Variants in DLGAP4 observed in about 807,000 individuals in gnomAD.
DLGAP4 encodes disks large-associated protein 4.
DLGAP4 carries 18 observed loss-of-function variants against 86.9 expected under a neutral mutation model. The observed-to-expected ratio is 0.21, with a 90% CI of 0.14 to 0.31. The LOEUF is 0.31. DLGAP4 is among the 10% of genes least tolerant of loss of function. The pLI, the probability that DLGAP4 is intolerant of heterozygous loss-of-function variation, is 1.00. For synonymous variants in DLGAP4, 548 were observed against 574.3 expected (o/e 0.95, Z 0.65); for missense variants, 1,085 against 1,362.6 (o/e 0.80, Z 3.21).
intron 1 of DLGAP4, among the ~76,000 whole-genome samples, chr20:36,330,276 C>A (rs1280316586): frequency 2.4e-4 from 37 of 152,046 alleles, no homozygotes; most frequent in Admixed American, 2.4e-3. Context: ...GAGGTTCTGA[C>A]CATATTGGTG....
intron 6 of DLGAP4, among the ~76,000 whole-genome samples, chr20:36,446,360 T>C (rs939037106): frequency 2.0e-5 from 3 of 152,166 alleles, no homozygotes; most frequent in African/African-American, 7.2e-5. Flanking sequence ...GGACAGACAT[T>C]GCTAATTGAT....
Position 36,403,213 on chromosome 20 carries a change from A to G in DLGAP4, c.-72-28433A>G, listed in dbSNP as rs144580526. On this transcript the variant is annotated intron_variant, in intron 2 of 12. Transcript: ENST00000339266. ...CAAGTCAAGGTGCTGGCATCTGGCG[A>G]GGGCCTTCTTGCTATGTCATAACAT... 7.2e-5 allele frequency among the ~76,000 whole-genome samples: 11 copies of G among 152,306 alleles called. No individual in the cohort carries two copies. The East Asian group carries it at 1.5e-3, about 21-fold the overall frequency.
chr20:36,464,008 C>T (rs1435173230), intron 7 of DLGAP4, among the ~76,000 whole-genome samples: 2 of 152,226 alleles, frequency 1.3e-5, no homozygotes, highest in Non-Finnish European at 2.9e-5. Flanking sequence ...CTGTTATCAC[C>T]TGCCCCTGGT....
At chr20:36,433,338 C>G (rs2033179068) in intron 3 of DLGAP4, among the ~76,000 whole-genome samples, 1 of 152,220 alleles carries the variant, frequency 6.6e-6, no homozygotes, top group Admixed American at 6.5e-5. Flanking sequence ...CCTAACCCAG[C>G]TTGGGGGAAT....
intron 7 of DLGAP4, 116 bp downstream of exon 7, chr20:36,447,053 A>G (rs1462026009): frequency 1.2e-5 from 18 of 1,457,224 alleles, no homozygotes; most frequent in African/African-American, 1.1e-4. Flanking sequence ...GCTGGCCCGC[A>G]CCAGGGGGAT....
chr20:36,375,134 G>C (rs2031101680), intron 2 of DLGAP4, among the ~76,000 whole-genome samples: 1 of 152,200 alleles, frequency 6.6e-6, no homozygotes, highest in South Asian at 2.1e-4. Flanking sequence ...GTTGGAGGCA[G>C]GGCTGGGACA....
chr20:36,428,786 C>T (rs1008196777), intron 2 of DLGAP4, among the ~76,000 whole-genome samples: 1 of 152,254 alleles, frequency 6.6e-6, no homozygotes, highest in South Asian at 2.1e-4. Context: ...GAGTCTAAAA[C>T]GGATTGCAGA....
intron 5 of DLGAP4, 54 bp from the exon 6 acceptor site, chr20:36,442,673 C>A (rs2033481427): frequency 1.9e-6 from 3 of 1,599,648 alleles, no homozygotes; most frequent in African/African-American, 2.7e-5. Context: ...CTGAATCCCC[C>A]ACCCCAGCCC....
rs759570502 is a variant in DLGAP4 at position 36,527,010 on chromosome 20, G to A, written c.2958G>A (p.Pro986=). The A allele has an allele frequency of 5.0e-6, 8 of 1,607,022 alleles. No homozygotes were observed. Among genetic ancestry groups the A allele is most frequent in the Admixed American group, 3.4e-5 (2 of 58,404 alleles). The change falls in exon 13 of 13, where the codon CCG becomes CCA. Residue 986 remains proline (P), a synonymous_variant. Transcript: ENST00000339266. ...ESADSIEIYV[P]EAQTRL The stretch of plus-strand genomic sequence containing the variant: ...CAGACAGCATCGAGATTTATGTCCC[G>A]GAGGCCCAGACCAGGCTCTGAGACC...
intron 2 of DLGAP4, among the ~76,000 whole-genome samples, chr20:36,381,142 C>G (rs2031377447): frequency 6.6e-6 from 1 of 152,218 alleles, no homozygotes; most frequent in Non-Finnish European, 1.5e-5. Flanking sequence ...TGCCTTTATT[C>G]TACTACTCTA....
At chr20:36,434,334 A>G (rs1283031568) in intron 3 of DLGAP4, among the ~76,000 whole-genome samples, 2 of 152,108 alleles carry the variant, frequency 1.3e-5, no homozygotes, top group African/African-American at 2.4e-5. Flanking sequence ...CAGTGAGACT[A>G]TTTTCTTTTT....
At chr20:36,481,057 A>T (rs1171930161) in intron 7 of DLGAP4, among the ~76,000 whole-genome samples, 1 of 152,204 alleles carries the variant, frequency 6.6e-6, no homozygotes, top group Admixed American at 6.5e-5. Context: ...GTGTGGTATC[A>T]CGTCCAGAAC....
intron 7 of DLGAP4, among the ~76,000 whole-genome samples, chr20:36,486,774 C>T (rs762491414): frequency 9.2e-5 from 14 of 152,074 alleles, no homozygotes; most frequent in Non-Finnish European, 1.6e-4. Context: ...CCACACCCGG[C>T]CAATTTTTTG....
At chr20:36,330,146 T>C (rs2065252939) in intron 1 of DLGAP4, among the ~76,000 whole-genome samples, 1 of 152,196 alleles carries the variant, frequency 6.6e-6, no homozygotes, top group Admixed American at 6.5e-5. Flanking sequence ...AGTGAACATA[T>C]ATTGCTTTTG....
chr20:36,457,224 CTT>C (rs112924134), intron 7 of DLGAP4, among the ~76,000 whole-genome samples: 3 of 144,202 alleles, frequency 2.1e-5, no homozygotes, highest in African/African-American at 2.5e-5. Context: ...TGAGTGAAGA[CTT>C]TTTTTTTTTT....
In DLGAP4 at chr20:36,528,089, G is replaced by A. The variant is rs1398595466; in HGVS notation, c.*1058G>A. The stretch of plus-strand genomic sequence containing the variant: ...ATTTTTACATGTACTATATCTAGGT[G>A]TGTGTACAAGTGTGTGTAAAAATAT... On this transcript the variant is annotated 3_prime_UTR_variant, in exon 13 of 13. Coordinates refer to ENST00000339266, the MANE Select transcript of DLGAP4 (RefSeq NM_001365621.2). The A allele has an allele frequency of 6.6e-6, 1 of 152,214 alleles. No individual in the cohort carries two copies. Among genetic ancestry groups the A allele is most frequent in the Non-Finnish European group, 1.5e-5 (1 of 67,988 alleles). 9.4% of individuals were successfully genotyped at this position (152,214 alleles called of 1,614,324 possible).
chr20:36,404,563 G>C (rs540281233), intron 2 of DLGAP4, among the ~76,000 whole-genome samples: 2 of 152,248 alleles, frequency 1.3e-5, no homozygotes, highest in Admixed American at 6.5e-5. Flanking sequence ...CCCTTCCAGC[G>C]AGCTTTTTCT....
chr20:36,386,434 CAAAG>C (rs907351823), intron 2 of DLGAP4, among the ~76,000 whole-genome samples: 4 of 125,154 alleles, frequency 3.2e-5, no homozygotes, highest in African/African-American at 1.2e-4. Context: ...GAGGGAGAAA[CAAAG>C]AAGGAAAGGA....
intron 2 of DLGAP4, among the ~76,000 whole-genome samples, chr20:36,408,816 C>T (rs558566788): frequency 1.1e-4 from 17 of 152,250 alleles, no homozygotes; most frequent in African/African-American, 1.7e-4. Context: ...GCGGTATCCT[C>T]GACTGGATCC....
Sources: gnomAD v4.1 joint callset for allele counts (sites outside exome capture counted in the v4.1 genomes callset) on GRCh38, gnomAD v4.1.1 for gene constraint, MANE v1.5 for transcripts, NCBI Gene and HGNC (gene_info 2026-07-23, HGNC 2026-07-21) for gene names.